The following KY variants were observed in gnomAD, a reference collection of about 807,000 sequenced individuals.
The protein encoded by KY is kyphoscoliosis peptidase.
In KY, 43 loss-of-function variants were observed where a neutral mutation model predicts 76.1. The ratio of observed to expected loss-of-function variants is 0.57; its 90% CI spans 0.44 to 0.73. KY has a LOEUF of 0.73. Among genes scored for constraint, KY ranks in the 30% least tolerant of loss-of-function variants. The pLI is 0.00. For synonymous variants in KY, 277 were observed against 326.2 expected (o/e 0.85, Z 1.63); for missense variants, 722 against 828.9 (o/e 0.87, Z 1.58).
rs1958897114 is a variant in KY, at chr3:134,600,083, A to G, written c.*3496T>C. ...TACTTACTCCAAATGAAAAGAAATT[A>G]TAGACCTAAGATAAACTGAGGCGGG... is the stretch of plus-strand genomic sequence containing the variant. On this transcript the variant is annotated 3_prime_UTR_variant, in exon 11 of 11. Transcript: ENST00000423778. Among the ~76,000 whole-genome samples the G allele has an allele frequency of 1.3e-5, 2 of 152,238 alleles. No homozygotes were observed. The highest frequency in any genetic ancestry group is 6.5e-5 in the Admixed American group (1 of 15,288).
At chr3:134,625,464 CT>C (rs1963307983) in intron 5 of KY, among the ~76,000 whole-genome samples, 1 of 152,238 alleles carries the variant, frequency 6.6e-6, no homozygotes, top group African/African-American at 2.4e-5. Context: ...ATGGAATCTT[CT>C]TTTTCCCACC....
intron 2 of KY, among the ~76,000 whole-genome samples, chr3:134,643,984 A>G (rs575307257): frequency 1.3e-5 from 2 of 152,006 alleles, no homozygotes; most frequent in South Asian, 4.2e-4. Flanking sequence ...CCGCCACCAC[A>G]CTGGCTAATT....
At chr3:134,608,368 G>A in intron 10 of KY, 4 of 1,366,894 alleles carry the variant, frequency 2.9e-6, no homozygotes, top group Non-Finnish European at 3.8e-6. Flanking sequence ...CAAGTTCTAG[G>A]AAACCTGCAG....
chr3:134,623,330 C>T (rs1168972575), intron 6 of KY, among the ~76,000 whole-genome samples: 1 of 152,144 alleles, frequency 6.6e-6, no homozygotes, highest in Non-Finnish European at 1.5e-5. Flanking sequence ...CTCCAGACCC[C>T]ACCCACTTTC....
At chr3:134,644,121 G>A (rs1430896212) in intron 2 of KY, among the ~76,000 whole-genome samples, 1 of 152,114 alleles carries the variant, frequency 6.6e-6, no homozygotes, top group African/African-American at 2.4e-5. Context: ...CACCGCGCCC[G>A]GCCGAGCCTC....
chr3:134,628,871 A>G (rs1159905105), intron 4 of KY, among the ~76,000 whole-genome samples: 1 of 152,166 alleles, frequency 6.6e-6, no homozygotes, highest in Non-Finnish European at 1.5e-5. Flanking sequence ...TTTACAGTAG[A>G]CTACTTTCTT....
At chr3:134,627,901 C>A in intron 4 of KY, 83 bp from the exon 5 acceptor site, 1 of 1,104,590 alleles carries the variant, frequency 9.1e-7, no homozygotes, top group Non-Finnish European at 1.4e-6. Flanking sequence ...TCTGGTGGTC[C>A]TTGCTTTTGA....
intron 1 of KY, among the ~76,000 whole-genome samples, chr3:134,649,190 GA>G (rs1966788466): frequency 6.6e-6 from 1 of 152,164 alleles, no homozygotes; most frequent in African/African-American, 2.4e-5. Flanking sequence ...AATATTTGGA[GA>G]AAAAGTTCAG....
At chr3:134,616,274 T>C (rs898456357) in intron 8 of KY, among the ~76,000 whole-genome samples, 4 of 152,160 alleles carry the variant, frequency 2.6e-5, no homozygotes, top group African/African-American at 9.7e-5. Flanking sequence ...CTGAATGATG[T>C]TGTGAAAATA....
intron 8 of KY, among the ~76,000 whole-genome samples, chr3:134,618,089 G>T (rs1961903366): frequency 6.6e-6 from 1 of 152,100 alleles, no homozygotes; most frequent in African/African-American, 2.4e-5. Flanking sequence ...CTCAGGGATT[G>T]GCCTTGAAAG....
At chr3:134,618,825 C>T (rs1033588820) in intron 8 of KY, among the ~76,000 whole-genome samples, 5 of 152,210 alleles carry the variant, frequency 3.3e-5, no homozygotes, top group African/African-American at 1.2e-4. Context: ...TCACTGTCCT[C>T]CCGCTCCCAG....
chr3:134,629,338 T>C (rs1413418105), intron 4 of KY: 1 of 410,306 alleles, frequency 2.4e-6, no homozygotes, highest in African/African-American at 2.0e-5. Flanking sequence ...AAACAAATGG[T>C]ATCTAAAAGC....
chr3:134,621,813 A>G (rs1454151488), intron 6 of KY, among the ~76,000 whole-genome samples: 1 of 152,228 alleles, frequency 6.6e-6, no homozygotes, highest in Admixed American at 6.5e-5. Context: ...TGCAAATCAT[A>G]TATCCAATAA....
At chr3:134,609,485 A>T (rs897215886) in intron 9 of KY, among the ~76,000 whole-genome samples, 2 of 152,090 alleles carry the variant, frequency 1.3e-5, no homozygotes, top group Non-Finnish European at 2.9e-5. Context: ...CATGTGTGGG[A>T]GTGTCAAGAT....
rs9841371 is a variant in KY, at chr3:134,601,923, A to G, written c.*1656T>C. Among the ~76,000 whole-genome samples the G allele has an allele frequency of 0.63, 95,982 of 152,128 alleles. 30,776 individuals carry two copies. Among genetic ancestry groups the G allele is most frequent in the East Asian group, 0.87 (4,494 of 5,164 alleles). On this transcript the variant is annotated 3_prime_UTR_variant, in exon 11 of 11. Coordinates refer to ENST00000423778, the MANE Select transcript of KY (RefSeq NM_178554.6). ...CTGCCTGGCAGTTTCCTCACCCTGT[A>G]CTCTGGATGGCAGGGGCCGGGCCCC...
At chr3:134,622,945 C>T (rs1962890185) in intron 6 of KY, among the ~76,000 whole-genome samples, 1 of 152,214 alleles carries the variant, frequency 6.6e-6, no homozygotes, top group Non-Finnish European at 1.5e-5. Context: ...AGCACACTGG[C>T]ACTCTGACCT....
intron 9 of KY, among the ~76,000 whole-genome samples, chr3:134,609,640 G>A (rs1250254400): frequency 6.6e-6 from 1 of 152,194 alleles, no homozygotes; most frequent in African/African-American, 2.4e-5. Context: ...GGACAGAAAT[G>A]CTCCAGTCCT....
chr3:134,617,143 G>A (rs755151281), intron 8 of KY, among the ~76,000 whole-genome samples: 1 of 152,134 alleles, frequency 6.6e-6, no homozygotes, highest in Non-Finnish European at 1.5e-5. Flanking sequence ...TTCAAATCTG[G>A]CATTCCTTCT....
intron 5 of KY, among the ~76,000 whole-genome samples, chr3:134,626,746 C>A (rs77032079): frequency 0.026 from 3,922 of 152,280 alleles, 73 homozygotes; most frequent in South Asian, 0.053. Context: ...TATTGGGGAG[C>A]TGACCAATAT....
Sources: gnomAD v4.1 joint callset for allele counts (sites outside exome capture counted in the v4.1 genomes callset) on GRCh38, gnomAD v4.1.1 for gene constraint, MANE v1.5 for transcripts, NCBI Gene and HGNC (gene_info 2026-07-23, HGNC 2026-07-21) for gene names.